The following UNC13A variants were observed in gnomAD, a reference collection of about 807,000 sequenced individuals.
UNC13A encodes protein unc-13 homolog A.
In UNC13A, 61 loss-of-function variants were observed where a neutral mutation model predicts 219.7. That is an observed-to-expected ratio of 0.28 (90% confidence interval 0.23 to 0.34). UNC13A has a LOEUF of 0.34. Ranked by LOEUF, UNC13A falls within the 10% of genes least tolerant of loss-of-function variation. The probability of loss-of-function intolerance (pLI) is 1.00; values close to 1 mark genes in which losing one functional copy is unlikely to be tolerated. For synonymous variants in UNC13A, 920 were observed against 884.6 expected (o/e 1.04, Z -0.71); for missense variants, 1,476 against 2,270.3 (o/e 0.65, Z 7.11).
In UNC13A at chr19:17,665,203, G is replaced by GAAA. The variant is rs11438652; in HGVS notation, c.523+1444_523+1446dup. Among the ~76,000 whole-genome samples the GAAA allele has an allele frequency of 1.1e-3, 154 of 146,248 alleles. 1 individual carries two copies. The highest frequency in any genetic ancestry group is 2.2e-3 in the East Asian group (11 of 4,984). On this transcript the variant is annotated intron_variant, in intron 7 of 43. Transcript: ENST00000519716. ...TGACAGAGGGAGACTCTATCTCCAA[G>GAAA]AAAAAAAAAAAGAGAAGAAGAAAAG...
intron 11 of UNC13A, among the ~76,000 whole-genome samples, chr19:17,654,836 G>T (rs1263235974): frequency 6.6e-6 from 1 of 152,200 alleles, no homozygotes; most frequent in Non-Finnish European, 1.5e-5. Flanking sequence ...CTTCAGCCCA[G>T]TTTCAGCCCT....
intron 41 of UNC13A, chr19:17,616,308 C>T: frequency 1.6e-6 from 1 of 635,402 alleles, no homozygotes; most frequent in Non-Finnish European, 2.9e-6. Flanking sequence ...CCCTGCAGGC[C>T]CTTGAGGCAG....
chr19:17,612,697 T>C (rs1390750035), intron 41 of UNC13A, among the ~76,000 whole-genome samples: 1 of 151,748 alleles, frequency 6.6e-6, no homozygotes, highest in Non-Finnish European at 1.5e-5. Flanking sequence ...ATACAAAAAT[T>C]AGTGGCCATG....
chr19:17,656,341 C>T lies in UNC13A; in HGVS notation c.825G>A (p.Gln275=), dbSNP rs1333240306. The T allele has an allele frequency of 1.9e-6, 3 of 1,558,728 alleles. No individual in the cohort carries two copies. In the South Asian group the frequency reaches 3.5e-5, roughly 18 times the overall value. ...CGTCAGGGTCGAAGTCCTCGCTCAGCTGAGAGCTTCCCTGGCTCAGCTCCC... is the reference window on the plus strand; with the variant it reads ...CGTCAGGGTCGAAGTCCTCGCTCAGTTGAGAGCTTCCCTGGCTCAGCTCCC... ...SSGELSQGSS[Q]LSEDFDPDEH... Residue 275 remains glutamine (Q), a synonymous_variant, in exon 10 of 44, where the codon CAG becomes CAA. Transcript: ENST00000519716.
At chr19:17,626,034 TATCC>T (rs1432253001) in intron 34 of UNC13A, among the ~76,000 whole-genome samples, 9 of 134,266 alleles carry the variant, frequency 6.7e-5, no homozygotes, top group Admixed American at 1.5e-4. Context: ...TCCACCTATC[TATCC>T]ATCCATCTAC....
chr19:17,662,919 C>CAAAA (rs35777969), intron 8 of UNC13A, among the ~76,000 whole-genome samples: 1 of 74,206 alleles, frequency 1.3e-5, no homozygotes, highest in Non-Finnish European at 2.7e-5. Flanking sequence ...GACTCCGTCT[C>CAAAA]AAAAAAAAAA....
chr19:17,650,393 A>G (rs2079322128), intron 12 of UNC13A, among the ~76,000 whole-genome samples: 1 of 152,186 alleles, frequency 6.6e-6, no homozygotes. Flanking sequence ...GCATGCCTGT[A>G]GTCCCAGCTA....
chr19:17,645,491 C>T (rs1411609420), intron 19 of UNC13A, among the ~76,000 whole-genome samples, 183 bp downstream of exon 19: 1 of 152,154 alleles, frequency 6.6e-6, no homozygotes, highest in Non-Finnish European at 1.5e-5. Context: ...TCTGCTCACC[C>T]TCCTGGCCTG....
rs369222203 is a variant in UNC13A, at chr19:17,618,427, G to C, written c.4404C>G (p.Thr1468=). ...QCAVVELALD[T]IKQYFHAGGV... Reference sequence around the variant, plus strand: ...GAGGGGTAGGGCCTCTCACCTTGATGGTGTCCAGGGCCAACTCAACAACCG... The same window carrying C: ...GAGGGGTAGGGCCTCTCACCTTGATCGTGTCCAGGGCCAACTCAACAACCG... The change falls in exon 40 of 44, where the codon ACC becomes ACG. Residue 1468 remains threonine (T), a synonymous_variant. Transcript: ENST00000519716. 1.3e-5 allele frequency: 21 copies of C among 1,578,348 alleles called. No individual in the cohort carries two copies. Among genetic ancestry groups the C allele is most frequent in the Admixed American group, 1.3e-4 (7 of 54,058 alleles).
At chr19:17,670,877 C>A (rs991725932) in intron 4 of UNC13A, among the ~76,000 whole-genome samples, 10 of 149,532 alleles carry the variant, frequency 6.7e-5, no homozygotes, top group Non-Finnish European at 1.2e-4. Context: ...GCACTCCAGC[C>A]TGGGTGACAG....
intron 3 of UNC13A, among the ~76,000 whole-genome samples, chr19:17,673,707 A>C (rs543745859): frequency 1.7e-4 from 25 of 151,338 alleles, no homozygotes; most frequent in African/African-American, 6.1e-4. Context: ...CAAAACAAAA[A>C]AAAAAGGAAA....
At position 17,602,891 on chromosome 19, in the gene UNC13A, T is replaced by C. The variant is rs2076480677; in HGVS notation, c.*3163A>G. The C allele has an allele frequency of 6.6e-6, 1 of 152,216 alleles. No homozygotes were observed. Among genetic ancestry groups the C allele is most frequent in the African/African-American group, 2.4e-5 (1 of 41,406 alleles). 9.4% of individuals were successfully genotyped at this position (152,216 alleles called of 1,614,324 possible). A position where few individuals can be genotyped will look rare whatever the true frequency, so the allele number is the denominator to read the frequency against. ...TCACCCACTTGTGCCCAGCCTGTGCTAGGTAAAGTTGGGGGTCCTGAGAGT... is the reference window on the plus strand; with the variant it reads ...TCACCCACTTGTGCCCAGCCTGTGCCAGGTAAAGTTGGGGGTCCTGAGAGT... On this transcript the variant is annotated 3_prime_UTR_variant, in exon 44 of 44. Coordinates refer to ENST00000519716, the MANE Select transcript of UNC13A (RefSeq NM_001080421.3).
rs1356519790 is a variant in UNC13A at position 17,653,128 on chromosome 19, G to A, written c.1393-451C>T. Among the ~76,000 whole-genome samples the A allele has an allele frequency of 2.0e-4, 30 of 152,040 alleles. 1 individual carries two copies. The highest frequency in any genetic ancestry group is 1.6e-4 in the Non-Finnish European group (11 of 68,014). On this transcript the variant is annotated intron_variant, in intron 11 of 43. Coordinates refer to ENST00000519716, the MANE Select transcript of UNC13A (RefSeq NM_001080421.3). ...TGTAACTAAAGGGTTAACATGGGGGGAGGGGTGGCCCTATGAGGAACACAG... is the reference window on the plus strand; with the variant it reads ...TGTAACTAAAGGGTTAACATGGGGGAAGGGGTGGCCCTATGAGGAACACAG...
chr19:17,662,270 G>A (rs1036377528), intron 8 of UNC13A, among the ~76,000 whole-genome samples: 17 of 151,890 alleles, frequency 1.1e-4, no homozygotes, highest in Admixed American at 2.0e-4. Context: ...ATTCTCACGG[G>A]AGCGTGAACC....
intron 6 of UNC13A, among the ~76,000 whole-genome samples, chr19:17,667,550 T>C (rs1434343769): frequency 6.6e-6 from 1 of 152,062 alleles, no homozygotes; most frequent in African/African-American, 2.4e-5. Flanking sequence ...CTCGGCTCAC[T>C]GCAACTTCTG....
At chr19:17,666,122 TTTTCTTTCTTTTTC>T (rs146183971) in intron 7 of UNC13A, among the ~76,000 whole-genome samples, 20 of 140,080 alleles carry the variant, frequency 1.4e-4, no homozygotes, top group South Asian at 6.5e-4. Context: ...TTCTCTTTTC[TTTTCTTTCTTTTTC>T]TTTCTTTCTT....
At chr19:17,652,753 G>A (rs2079373636) in intron 11 of UNC13A, 76 bp from the exon 12 acceptor site, 4 of 1,560,612 alleles carry the variant, frequency 2.6e-6, no homozygotes, top group Non-Finnish European at 2.6e-6. Flanking sequence ...ACCCACTTCT[G>A]ACTCCCCTCT....
intron 19 of UNC13A, among the ~76,000 whole-genome samples, chr19:17,643,869 A>C (rs1167618007): frequency 7.0e-6 from 1 of 143,316 alleles, no homozygotes; most frequent in East Asian, 2.1e-4. Flanking sequence ...CTCCCCGGAG[A>C]CTACACATCT....
chr19:17,607,351 T>C (rs980016496), intron 43 of UNC13A, among the ~76,000 whole-genome samples: 2 of 147,030 alleles, frequency 1.4e-5, no homozygotes, highest in Non-Finnish European at 3.0e-5. Flanking sequence ...AACCTCTGTC[T>C]CCCGGGTTCA....
Sources: gnomAD v4.1 joint callset for allele counts (sites outside exome capture counted in the v4.1 genomes callset) on GRCh38, gnomAD v4.1.1 for gene constraint, MANE v1.5 for transcripts, NCBI Gene and HGNC (gene_info 2026-07-23, HGNC 2026-07-21) for gene names.